The following MAP4 variants were observed in gnomAD, a reference collection of about 807,000 sequenced individuals.
The protein encoded by MAP4 is microtubule-associated protein 4.
A neutral mutation model predicts 170.2 loss-of-function variants in MAP4; 76 were observed. The ratio of observed to expected loss-of-function variants is 0.45; its 90% confidence interval spans 0.37 to 0.54. MAP4 has a LOEUF of 0.54. Ranked by LOEUF, MAP4 falls within the 20% of genes least tolerant of loss-of-function variation. MAP4 has a pLI of 0.00. For missense variants in MAP4, 2,506 were observed against 2,748.0 expected, an observed-to-expected ratio of 0.91 and a Z score of 1.97; for synonymous variants, 909 against 994.5, an observed-to-expected ratio of 0.91 and a Z score of 1.62.
upstream of MAP4, among the ~76,000 whole-genome samples, chr3:48,021,397 G>A (rs1241537302): frequency 2.0e-5 from 3 of 151,896 alleles, no homozygotes; most frequent in Admixed American, 6.6e-5. Context: ...CCAGGCTGGA[G>A]TGCAGTGGCA....
intron 1 of MAP4, among the ~76,000 whole-genome samples, chr3:48,051,435 T>A (rs965572529): frequency 2.6e-5 from 4 of 152,124 alleles, no homozygotes; most frequent in Non-Finnish European, 5.9e-5. Flanking sequence ...GACCCACATA[T>A]CCTTTTCAAG....
chr3:47,987,744 C>T (rs528191111), intron 2 of MAP4, among the ~76,000 whole-genome samples: 1 of 152,312 alleles, frequency 6.6e-6, no homozygotes, highest in African/African-American at 2.4e-5. Context: ...CAGGCAAAAC[C>T]CCTGGAGTAA....
chr3:47,853,081 T>A (rs753598462), intron 20 of MAP4, 82 bp downstream of exon 20: 39 of 1,613,978 alleles, frequency 2.4e-5, no homozygotes, highest in Non-Finnish European at 3.1e-5. Context: ...TAGGCCACAC[T>A]CTAGTCAAAA....
At chr3:47,882,507 A>AT (rs1447137243) in intron 10 of MAP4, among the ~76,000 whole-genome samples, 3 of 146,164 alleles carry the variant, frequency 2.1e-5, no homozygotes, top group African/African-American at 8.4e-5. Context: ...TTCTATTTTT[A>AT]TTAAAAAAAA....
intron 4 of MAP4, among the ~76,000 whole-genome samples, chr3:47,925,378 C>G (rs1249916763): frequency 6.6e-6 from 1 of 152,060 alleles, no homozygotes; most frequent in African/African-American, 2.4e-5. Flanking sequence ...CCTCTTCTTC[C>G]TGATTTAAAT....
intron 1 of MAP4, among the ~76,000 whole-genome samples, chr3:48,014,392 A>G (rs2100106761): frequency 1.3e-5 from 2 of 152,120 alleles, no homozygotes; most frequent in Admixed American, 6.6e-5. Context: ...GTCCTCTTCT[A>G]TTCACCCCTT....
chr3:47,929,231 T>C (rs2100047908), intron 3 of MAP4, among the ~76,000 whole-genome samples: 2 of 152,158 alleles, frequency 1.3e-5, no homozygotes, highest in Non-Finnish European at 2.9e-5. Context: ...GATGCATGCC[T>C]GTAATTCTGG....
chr3:47,952,521 C>T (rs2100065043), intron 3 of MAP4, among the ~76,000 whole-genome samples: 1 of 152,030 alleles, frequency 6.6e-6, no homozygotes, highest in African/African-American at 2.4e-5. Flanking sequence ...ACATGGGAGA[C>T]TTCATTTTGT....
chr3:47,974,448 A>G, intron 3 of MAP4: 3 of 982,488 alleles, frequency 3.1e-6, no homozygotes, highest in Non-Finnish European at 3.6e-6. Context: ...TGTATATCTC[A>G]AAATCTTTCT....
chr3:47,871,969 T>C lies in MAP4; in HGVS notation c.5889A>G (p.Ser1963=). ...AKTTTAAAVA[S]TGPSSRSPST... The stretch of plus-strand genomic sequence containing the variant: ...AGGGGCTCCTACTGCTTGGGCCAGT[T>C]GAGGCAACAGCAGCAGCTGTTGTGG... The change falls in exon 13 of 21, where the codon TCA becomes TCG. Residue 1963 remains serine (S), a synonymous_variant. Coordinates refer to ENST00000683076, the MANE Select transcript of MAP4 (RefSeq NM_001385682.1). 2 of 1,613,938 alleles carry C rather than the reference T, an allele frequency of 1.2e-6. No individual in the cohort carries two copies. The highest frequency in any genetic ancestry group is 2.2e-5 in the South Asian group (2 of 91,056).
chr3:47,940,642 C>A (rs1232427796), intron 3 of MAP4, among the ~76,000 whole-genome samples: 1 of 152,174 alleles, frequency 6.6e-6, no homozygotes, highest in Non-Finnish European at 1.5e-5. Context: ...ACTAATTAAA[C>A]AAGTAGCATA....
intron 5 of MAP4, among the ~76,000 whole-genome samples, chr3:47,919,541 C>G (rs371653821): frequency 6.6e-6 from 1 of 151,954 alleles, no homozygotes; most frequent in African/African-American, 2.4e-5. Context: ...AACTCCTGAC[C>G]TCATGATCCA....
chr3:47,868,714 T>C (rs1380613890), intron 16 of MAP4, among the ~76,000 whole-genome samples: 1 of 152,200 alleles, frequency 6.6e-6, no homozygotes, highest in Non-Finnish European at 1.5e-5. Flanking sequence ...ATGAGCATCC[T>C]AACTTTCAGT....
chr3:47,955,437 C>CGT (rs3079353), intron 3 of MAP4, among the ~76,000 whole-genome samples: 1,025 of 11,702 alleles, frequency 0.088, 11 homozygotes, highest in African/African-American at 0.11. Flanking sequence ...TAAGCACGTA[C>CGT]ACACACACAC....
intron 17 of MAP4, among the ~76,000 whole-genome samples, chr3:47,863,775 C>T (rs2073192294): frequency 2.0e-5 from 3 of 152,020 alleles, no homozygotes; most frequent in African/African-American, 4.8e-5. Context: ...CCCTCCCTCC[C>T]CTCCGCTGGT....
chr3:48,037,434 C>A (rs2100119293), intron 1 of MAP4, among the ~76,000 whole-genome samples: 1 of 152,170 alleles, frequency 6.6e-6, no homozygotes, highest in Non-Finnish European at 1.5e-5. Flanking sequence ...CATTCTGTTA[C>A]TCAGGCTGGC....
At chr3:48,013,622 A>G (rs996735834) in intron 1 of MAP4, 10 of 152,036 alleles carry the variant, frequency 6.6e-5, no homozygotes, top group South Asian at 4.1e-4. Flanking sequence ...TAAACCCCCT[A>G]AGACCCTCAG....
intron 3 of MAP4, among the ~76,000 whole-genome samples, chr3:47,968,091 C>T (rs1433349988): frequency 6.6e-6 from 1 of 152,276 alleles, no homozygotes; most frequent in Non-Finnish European, 1.5e-5. Flanking sequence ...GGAATTTATC[C>T]TTGAGAAATG....
At chr3:48,084,711 G>A (rs1192668313) in intron 1 of MAP4, among the ~76,000 whole-genome samples, 1 of 151,928 alleles carries the variant, frequency 6.6e-6, no homozygotes, top group African/African-American at 2.4e-5. Flanking sequence ...GAGTAGCTGG[G>A]ACTATAGACA....
Sources: gnomAD v4.1 joint callset for allele counts (sites outside exome capture counted in the v4.1 genomes callset) on GRCh38, gnomAD v4.1.1 for gene constraint, MANE v1.5 for transcripts, NCBI Gene and HGNC (gene_info 2026-07-23, HGNC 2026-07-21) for gene names.